Variants in PRKN observed in about 807,000 individuals in gnomAD.
PRKN encodes parkin RBR E3 ubiquitin protein ligase, also known as E3 ubiquitin-protein ligase parkin.
A neutral mutation model predicts 59.5 loss-of-function variants in PRKN; 56 were observed. The observed-to-expected ratio is 0.94, with a 90% confidence interval of 0.76 to 1.18. PRKN has a LOEUF of 1.18. PRKN is among the 50% of genes most tolerant of loss of function. The pLI is 0.00. For synonymous variants in PRKN, 250 were observed against 222.1 expected (o/e 1.13, Z -1.12); for missense variants, 657 against 596.4 (o/e 1.10, Z -1.06).
intron 7 of PRKN, among the ~76,000 whole-genome samples, chr6:161,647,411 G>A (rs1335773003): frequency 6.6e-6 from 1 of 152,170 alleles, no homozygotes; most frequent in Non-Finnish European, 1.5e-5. Flanking sequence ...AGGTCTCTGA[G>A]CAGCCATCGT....
At chr6:162,213,910 C>T (rs1211166396) in intron 3 of PRKN, among the ~76,000 whole-genome samples, 3 of 148,950 alleles carry the variant, frequency 2.0e-5, no homozygotes, top group African/African-American at 7.4e-5. Context: ...CTTTGATGTC[C>T]TATTCTGGAA....
chr6:161,962,667 G>C (rs1217956358), intron 6 of PRKN, among the ~76,000 whole-genome samples: 1 of 151,688 alleles, frequency 6.6e-6, no homozygotes, highest in Non-Finnish European at 1.5e-5. Context: ...CTCCTGAGTA[G>C]CTGGGATTAC....
chr6:162,248,583 C>T (rs1274463470), intron 3 of PRKN, among the ~76,000 whole-genome samples: 12 of 152,094 alleles, frequency 7.9e-5, no homozygotes, highest in Admixed American at 7.9e-4. Flanking sequence ...CTCTTGGGTA[C>T]TGGCGTTAGA....
chr6:162,662,341 G>C (rs548659294), intron 1 of PRKN, among the ~76,000 whole-genome samples: 4 of 151,554 alleles, frequency 2.6e-5, no homozygotes, highest in African/African-American at 7.3e-5. Flanking sequence ...TGGATGCATA[G>C]CTTGCAAATT....
chr6:162,588,739 G>C (rs1412587606), intron 1 of PRKN, among the ~76,000 whole-genome samples: 1 of 152,014 alleles, frequency 6.6e-6, no homozygotes, highest in Non-Finnish European at 1.5e-5. Flanking sequence ...TTTTAGTAGA[G>C]ACTGGGTTTC....
At position 161,578,858 on chromosome 6, in the gene PRKN, A is replaced by G. The variant is rs890425579; in HGVS notation, c.872-9442T>C. Among the ~76,000 whole-genome samples the G allele has an allele frequency of 3.9e-5, 6 of 152,198 alleles. No homozygotes were observed. The highest frequency in any genetic ancestry group is 7.3e-5 in the Non-Finnish European group (5 of 68,028). On this transcript the variant is annotated intron_variant, in intron 7 of 11. Coordinates refer to ENST00000366898, the MANE Select transcript of PRKN (RefSeq NM_004562.3). The surrounding 1 kb of genome is among the most constrained non-coding windows in gnomAD (Gnocchi z 4.2). ...ATGTCAAAACAACTTAAATATTTTGAATTGTGTGTATATTCTTGGCGCTTT... is the reference window on the plus strand; with the variant it reads ...ATGTCAAAACAACTTAAATATTTTGGATTGTGTGTATATTCTTGGCGCTTT...
chr6:162,575,193 C>G (rs373118592), intron 1 of PRKN, among the ~76,000 whole-genome samples: 2 of 152,186 alleles, frequency 1.3e-5, no homozygotes, highest in Admixed American at 1.3e-4. Flanking sequence ...GGATCTGCAT[C>G]TATCTTCATC....
chr6:162,269,239 A>G (rs1780268245), intron 2 of PRKN, among the ~76,000 whole-genome samples: 1 of 152,164 alleles, frequency 6.6e-6, no homozygotes, highest in Admixed American at 6.5e-5. Flanking sequence ...GTTACCAGAC[A>G]ATACCGTCTT....
intron 1 of PRKN, among the ~76,000 whole-genome samples, chr6:162,479,979 C>T (rs369732795): frequency 1.6e-4 from 24 of 151,710 alleles, no homozygotes; most frequent in East Asian, 1.4e-3. Flanking sequence ...GCAGGACAAT[C>T]GCTTAAACCC....
At chr6:162,619,710 TCA>T (rs56144864) in intron 1 of PRKN, among the ~76,000 whole-genome samples, 102,739 of 150,356 alleles carry the variant, frequency 0.68, 35,130 homozygotes, top group Admixed American at 0.71. Flanking sequence ...CTTTTTCCAC[TCA>T]CACACACACA....
intron 1 of PRKN, among the ~76,000 whole-genome samples, chr6:162,581,990 A>C (rs1245839599): frequency 1.3e-5 from 2 of 152,168 alleles, no homozygotes; most frequent in African/African-American, 4.8e-5. Flanking sequence ...AGGGCTATAA[A>C]AGCCAAAAAT....
At chr6:162,006,322 G>C (rs1410899178) in intron 5 of PRKN, among the ~76,000 whole-genome samples, 1 of 152,012 alleles carries the variant, frequency 6.6e-6, no homozygotes, top group African/African-American at 2.4e-5. Flanking sequence ...TGATGCTTTT[G>C]CCCCATATTC....
chr6:162,153,309 G>A (rs765908019), intron 4 of PRKN, among the ~76,000 whole-genome samples: 1 of 152,226 alleles, frequency 6.6e-6, no homozygotes, highest in Non-Finnish European at 1.5e-5. Flanking sequence ...AACGTGTAGG[G>A]AAGTGAGTGC....
chr6:161,850,368 AAGAG>A (rs2128222278), intron 6 of PRKN, among the ~76,000 whole-genome samples: 1 of 152,168 alleles, frequency 6.6e-6, no homozygotes, highest in South Asian at 2.1e-4. Context: ...TCACGAGGTC[AAGAG>A]ATAGAGACCA....
At chr6:162,706,120 T>G (rs944674218) in intron 1 of PRKN, among the ~76,000 whole-genome samples, 2 of 149,930 alleles carry the variant, frequency 1.3e-5, no homozygotes, top group African/African-American at 2.5e-5. Flanking sequence ...AGTTTCAAAT[T>G]TACCTGAAGG....
At chr6:161,923,754 G>A (rs1778865988) in intron 6 of PRKN, among the ~76,000 whole-genome samples, 1 of 152,148 alleles carries the variant, frequency 6.6e-6, no homozygotes, top group Non-Finnish European at 1.5e-5. Flanking sequence ...CTCCTAAGGA[G>A]GAGGACACTG....
chr6:161,908,561 A>AT (rs1394236104), intron 6 of PRKN, among the ~76,000 whole-genome samples: 1 of 151,254 alleles, frequency 6.6e-6, no homozygotes, highest in Non-Finnish European at 1.5e-5. Context: ...CACTTTACTT[A>AT]TTCTTTTTCT....
chr6:162,307,364 C>T (rs12198792), intron 2 of PRKN, among the ~76,000 whole-genome samples: 60,398 of 149,558 alleles, frequency 0.4, 14,378 homozygotes, highest in Non-Finnish European at 0.53. Flanking sequence ...CATGCCACTG[C>T]GCTCCAGCCT....
chr6:161,368,317 ATTTATATATATT>A (rs1161836561), intron 10 of PRKN, among the ~76,000 whole-genome samples: 1 of 144,690 alleles, frequency 6.9e-6, no homozygotes, highest in Non-Finnish European at 1.5e-5. Flanking sequence ...TTGTATATAT[ATTTATATATATT>A]TGTATATATA....
Sources: allele counts gnomAD v4.1 joint callset (sites outside exome capture counted in the v4.1 genomes callset), GRCh38; gene constraint gnomAD v4.1.1; non-coding constraint Gnocchi (gnomAD v3.1); transcripts MANE v1.5; gene names NCBI Gene and HGNC (gene_info 2026-07-23, HGNC 2026-07-21).